Variants in SCN3B observed in about 807,000 individuals in gnomAD.
The protein encoded by SCN3B is sodium channel regulatory subunit beta-3.
Under a neutral mutation model 25.4 loss-of-function variants are expected in SCN3B, and 11 were observed. The observed-to-expected ratio is 0.43, with a 90% confidence interval of 0.27 to 0.72. The LOEUF is 0.72. Ranked by LOEUF, SCN3B falls within the 30% of genes least tolerant of loss-of-function variation. The pLI is 0.18. For missense variants in SCN3B, 218 were observed against 278.3 expected (o/e 0.78, Z 1.54); for synonymous variants, 109 against 110.7 (o/e 0.99, Z 0.09).
chr11:123,644,114 T>G (rs1955821101), intron 3 of SCN3B, among the ~76,000 whole-genome samples: 1 of 152,242 alleles, frequency 6.6e-6, no homozygotes, highest in Non-Finnish European at 1.5e-5. Context: ...GTATCTGCTG[T>G]TAGACCACCT....
intron 2 of SCN3B, 96 bp downstream of exon 2, chr11:123,653,651 C>CAG (rs1955957745): frequency 1.4e-6 from 2 of 1,421,430 alleles, no homozygotes; most frequent in East Asian, 4.6e-5. Flanking sequence ...GCAAGCCAGC[C>CAG]AGAGCTCTTT....
At chr11:123,654,058 C>T (rs1955964190) in intron 1 of SCN3B, 168 bp downstream of exon 1, 1 of 567,100 alleles carries the variant, frequency 1.8e-6, no homozygotes, top group Non-Finnish European at 3.2e-6. Context: ...CGCGCCCGCT[C>T]TCGCCGGCGC....
At chr11:123,643,887 G>A (rs1189357901) in intron 3 of SCN3B, among the ~76,000 whole-genome samples, 1 of 152,228 alleles carries the variant, frequency 6.6e-6, no homozygotes, top group African/African-American at 2.4e-5. Flanking sequence ...CCAGGCTCTG[G>A]GAAGTCTCCG....
At chr11:123,649,384 G>T (rs574783316) in intron 2 of SCN3B, among the ~76,000 whole-genome samples, 1 of 152,288 alleles carries the variant, frequency 6.6e-6, no homozygotes, top group South Asian at 2.1e-4. Flanking sequence ...TCATCATAGA[G>T]CAAGTCCCAC....
At chr11:123,641,421 T>C (rs1955790229) in intron 4 of SCN3B, among the ~76,000 whole-genome samples, 1 of 152,368 alleles carries the variant, frequency 6.6e-6, no homozygotes, top group Admixed American at 6.5e-5. Flanking sequence ...AATCTCCGCT[T>C]CATTATTTTT....
chr11:123,652,157 C>A (rs1955932631), intron 2 of SCN3B, among the ~76,000 whole-genome samples: 1 of 152,210 alleles, frequency 6.6e-6, no homozygotes, highest in African/African-American at 2.4e-5. Context: ...CCCTTATCCA[C>A]AACTTCAGCT....
At position 123,636,150 on chromosome 11, in the gene SCN3B, G is replaced by A. The variant is rs116015947; in HGVS notation, c.585-1944C>T. Among the ~76,000 whole-genome samples the A allele has an allele frequency of 8.3e-3, 1,255 of 152,090 alleles. 10 individuals are homozygous for A. The highest frequency in any genetic ancestry group is 0.028 in the African/African-American group (1,169 of 41,468). ...GTATATTTTTGTCAAATTTATCCCC[G>A]GAACTGGGGAGTACTTCTTGCTATT... On this transcript the variant is annotated intron_variant, in intron 5 of 6. Coordinates refer to ENST00000299333, the MANE Select transcript of SCN3B (RefSeq NM_001040151.2).
chr11:123,645,549 C>G (rs1250014938), intron 3 of SCN3B, 38 bp downstream of exon 3: 65 of 1,611,466 alleles, frequency 4.0e-5, no homozygotes, highest in Non-Finnish European at 5.3e-5. Flanking sequence ...ACAGCAGAGG[C>G]CAGCAGAAGA....
At chr11:123,634,980 T>G (rs778435764) in intron 5 of SCN3B, among the ~76,000 whole-genome samples, 38 of 152,244 alleles carry the variant, frequency 2.5e-4, no homozygotes, top group Non-Finnish European at 5.0e-4. Context: ...ATTCTTTACA[T>G]ATAATGTGAT....
At chr11:123,635,456 G>A (rs1462448525) in intron 5 of SCN3B, among the ~76,000 whole-genome samples, 1 of 152,050 alleles carries the variant, frequency 6.6e-6, no homozygotes, top group African/African-American at 2.4e-5. Context: ...AGGCCAAGGC[G>A]GGTGCATCAC....
chr11:123,642,462 TA>T lies in SCN3B; in HGVS notation c.428del (p.Leu143GlnfsTer19). 1 of 1,613,936 alleles carries T rather than the reference TA, an allele frequency of 6.2e-7. No individual in the cohort carries two copies. Among genetic ancestry groups the T allele is most frequent in the Non-Finnish European group, 8.5e-7 (1 of 1,179,966 alleles). ...PFVKTTRLIP[L>X]RVTEEAGEDF... ...CAGCCTCACCCTCCTCGGTGACTCT[TA>T]GGGGGATCAGCCGCGTCGTCTTCAC... On this transcript the variant is annotated frameshift_variant, in exon 4 of 7. Transcript: ENST00000299333. LOFTEE classifies it high-confidence loss of function. The surrounding 1 kb of genome is among the most constrained non-coding windows in gnomAD (Gnocchi z 4.3).
intron 2 of SCN3B, among the ~76,000 whole-genome samples, chr11:123,649,992 C>T (rs1403324441): frequency 1.3e-5 from 2 of 152,216 alleles, no homozygotes; most frequent in African/African-American, 4.8e-5. Context: ...ACATGAGCCA[C>T]AGCACCCAGT....
chr11:123,649,687 C>G (rs868663903), intron 2 of SCN3B, among the ~76,000 whole-genome samples: 7 of 144,256 alleles, frequency 4.9e-5, no homozygotes, highest in South Asian at 2.2e-4. Flanking sequence ...CTCTCTCTCT[C>G]TCTGTCTCTG....
rs1388947533 is a variant in SCN3B, at chr11:123,630,105, G to T, written c.*3694C>A. The T allele has an allele frequency of 1.3e-5, 2 of 152,226 alleles. No individual in the cohort carries two copies. Among genetic ancestry groups the T allele is most frequent in the African/African-American group, 4.8e-5 (2 of 41,460 alleles). The allele number at this position is 152,226 out of a possible 1,614,324, so 9.4% of individuals were successfully genotyped here. ...AGTAACTTTCCTAGTAATATTTCTA[G>T]TTGGACATCTAAGGAGAAACCTGCA... On this transcript the variant is annotated 3_prime_UTR_variant, in exon 7 of 7. Transcript: ENST00000299333.
chr11:123,633,795 C>T lies in SCN3B; in HGVS notation c.*23-19G>A, dbSNP rs1371577101. On this transcript the variant is annotated intron_variant, in intron 6 of 6. Coordinates refer to ENST00000299333, the MANE Select transcript of SCN3B (RefSeq NM_001040151.2). ...AGGCCACCTACCAAAGATAAAATAA[C>T]TCACTGAGAATTTCCCACCCAGTCC... is the stretch of plus-strand genomic sequence containing the variant. 5.7e-6 allele frequency: 2 copies of T among 348,812 alleles called. No homozygotes were observed. Among genetic ancestry groups the T allele is most frequent in the Admixed American group, 3.8e-5 (1 of 26,108 alleles). The allele number at this position is 348,812 out of a possible 1,614,324, so 21.6% of individuals were successfully genotyped here. A position where few individuals can be genotyped will look rare whatever the true frequency, so the allele number is the denominator to read the frequency against.
In SCN3B at chr11:123,645,494, T is replaced by C. The variant is rs1241044093; in HGVS notation, c.219+93A>G. ...GTGTTTGGAAGAGAAGGAGCCAGTG[T>C]TTGCTAGCTTGGCATCCCCCGGACT... On this transcript the variant is annotated intron_variant, in intron 3 of 6. Coordinates refer to ENST00000299333, the MANE Select transcript of SCN3B (RefSeq NM_001040151.2). 4 of 1,283,084 alleles carry C rather than the reference T, an allele frequency of 3.1e-6. No homozygotes were observed. In the African/African-American group the frequency reaches 5.8e-5, roughly 19 times the overall value. 79.5% of individuals were successfully genotyped at this position (1,283,084 alleles called of 1,614,324 possible).
intron 2 of SCN3B, 121 bp downstream of exon 2, chr11:123,653,626 C>T: frequency 8.9e-7 from 1 of 1,128,866 alleles, no homozygotes; most frequent in South Asian, 1.2e-5. Flanking sequence ...CCATGTCTGG[C>T]AGATACGCAC....
chr11:123,645,129 C>A (rs1955840213), intron 3 of SCN3B, among the ~76,000 whole-genome samples: 1 of 152,042 alleles, frequency 6.6e-6, no homozygotes, highest in South Asian at 2.1e-4. Context: ...GTGAATGTCA[C>A]CCTTGGATCA....
At chr11:123,646,911 G>A (rs557143541) in intron 2 of SCN3B, among the ~76,000 whole-genome samples, 2 of 152,274 alleles carry the variant, frequency 1.3e-5, no homozygotes, top group South Asian at 2.1e-4. Context: ...ATGCCCAGAG[G>A]TGAGGGAGAT....
Sources: allele counts gnomAD v4.1 joint callset (sites outside exome capture counted in the v4.1 genomes callset), GRCh38; gene constraint gnomAD v4.1.1; non-coding constraint Gnocchi (gnomAD v3.1); transcripts MANE v1.5; gene names NCBI Gene and HGNC (gene_info 2026-07-23, HGNC 2026-07-21).